RGS22: variants seen among roughly 807,000 people sequenced by gnomAD.
The protein encoded by RGS22 is regulator of G protein signaling 22, also known as regulator of G-protein signaling 22.
Under a neutral mutation model 172.9 loss-of-function variants are expected in RGS22, and 148 were observed. The observed-to-expected ratio is 0.86, with a 90% CI of 0.75 to 0.98. The LOEUF is 0.98. Ranked by LOEUF, RGS22 falls within the 50% of genes least tolerant of loss-of-function variation. The pLI is 0.00. For synonymous variants in RGS22, 458 were observed against 480.2 expected, an observed-to-expected ratio of 0.95 and a Z score of 0.60; for missense variants, 1,347 against 1,440.8, an observed-to-expected ratio of 0.93 and a Z score of 1.05.
At position 99,996,470 on chromosome 8, in the gene RGS22, C is replaced by T; in HGVS notation, c.3010G>A (p.Val1004Ile). ...LLQKAEKKIGVWKPVESKWIS... is the reference protein window; with the variant it reads ...LLQKAEKKIGIWKPVESKWIS... The stretch of plus-strand genomic sequence containing the variant: ...TAACAAACATTACTTGCCTTCCAGA[C>T]CCCGATTTTCTTTTCAGCCTTCTGT... Residue 1004 changes from valine (V) to isoleucine (I), a missense_variant, in exon 20 of 28, where the codon GTC becomes ATC. Transcript: ENST00000360863. The T allele has an allele frequency of 6.2e-7, 1 of 1,613,126 alleles. No individual in the cohort carries two copies. Among genetic ancestry groups the T allele is most frequent in the Non-Finnish European group, 8.5e-7 (1 of 1,179,328 alleles).
intron 3 of RGS22, among the ~76,000 whole-genome samples, chr8:100,082,913 G>A (rs2514701): frequency 0.56 from 85,785 of 151,976 alleles, 24,346 homozygotes; most frequent in Admixed American, 0.63. Context: ...GTAACTCTAC[G>A]CAGCTGGATT....
chr8:99,986,943 C>T (rs373067407), intron 21 of RGS22, among the ~76,000 whole-genome samples: 3 of 152,164 alleles, frequency 2.0e-5, no homozygotes, highest in African/African-American at 7.2e-5. Context: ...TTAAAACTCT[C>T]TGCAGGAAGG....
intron 18 of RGS22, among the ~76,000 whole-genome samples, chr8:100,001,705 TATA>T (rs969898310): frequency 3.9e-5 from 6 of 152,242 alleles, no homozygotes; most frequent in African/African-American, 1.4e-4. Flanking sequence ...TTCTTTCTTT[TATA>T]ATATTTGCTC....
intron 11 of RGS22, chr8:100,046,285 C>T (rs1820706197): frequency 6.6e-6 from 1 of 151,894 alleles, no homozygotes; most frequent in Admixed American, 6.6e-5. Flanking sequence ...TAAGAAATAG[C>T]ATTCTGAACC....
chr8:100,072,395 T>G (rs1811052550), intron 4 of RGS22, among the ~76,000 whole-genome samples, 165 bp from the exon 5 acceptor site: 2 of 149,260 alleles, frequency 1.3e-5, no homozygotes, highest in South Asian at 4.3e-4. Context: ...GCCACAAATG[T>G]GAGGCACTTC....
At chr8:100,064,296 C>A (rs1161758197) in intron 7 of RGS22, among the ~76,000 whole-genome samples, 1 of 151,896 alleles carries the variant, frequency 6.6e-6, no homozygotes, top group Admixed American at 6.6e-5. Context: ...GGTGAAACCC[C>A]TTCTCTACTA....
chr8:100,013,164 T>G (rs1816593014), intron 14 of RGS22, among the ~76,000 whole-genome samples: 1 of 152,034 alleles, frequency 6.6e-6, no homozygotes, highest in African/African-American at 2.4e-5. Context: ...TAATTTTTTG[T>G]ATTTTTAGTA....
intron 10 of RGS22, among the ~76,000 whole-genome samples, chr8:100,049,018 A>G (rs1441976337): frequency 3.3e-5 from 5 of 152,088 alleles, no homozygotes; most frequent in Admixed American, 1.3e-4. Context: ...TTCTTAAAAT[A>G]AAAAAAATTA....
chr8:100,094,110 C>T (rs888942213), intron 2 of RGS22, among the ~76,000 whole-genome samples: 2 of 152,112 alleles, frequency 1.3e-5, no homozygotes, highest in African/African-American at 2.4e-5. Flanking sequence ...GCATTTTTTC[C>T]ATAACTATCT....
At chr8:100,099,275 C>T (rs1813278715) in intron 2 of RGS22, among the ~76,000 whole-genome samples, 1 of 152,168 alleles carries the variant, frequency 6.6e-6, no homozygotes, top group African/African-American at 2.4e-5. Flanking sequence ...ACCTACTAGG[C>T]TTAAGACAAT....
At chr8:100,028,624 C>A (rs986250089) in intron 14 of RGS22, among the ~76,000 whole-genome samples, 1 of 152,088 alleles carries the variant, frequency 6.6e-6, no homozygotes, top group Non-Finnish European at 1.5e-5. Context: ...GAAATGATTA[C>A]AAAATGTGCC....
At chr8:100,100,539 G>A (rs779298019) in intron 2 of RGS22, among the ~76,000 whole-genome samples, 18 of 152,144 alleles carry the variant, frequency 1.2e-4, no homozygotes, top group East Asian at 1.9e-4. Flanking sequence ...ATCTGCCTGC[G>A]ACGGCCTCCC....
At chr8:100,076,686 A>C (rs1402247774) in intron 4 of RGS22, among the ~76,000 whole-genome samples, 1 of 152,146 alleles carries the variant, frequency 6.6e-6, no homozygotes, top group Non-Finnish European at 1.5e-5. Context: ...ACCATTGATA[A>C]TTTGTGCCTT....
chr8:100,080,781 T>C (rs1488772184), intron 3 of RGS22: 2 of 159,330 alleles, frequency 1.3e-5, no homozygotes, highest in African/African-American at 4.8e-5. Flanking sequence ...CAATCTCCCT[T>C]GTCCAAAAGG....
chr8:100,029,564 G>A (rs962565451), intron 14 of RGS22, among the ~76,000 whole-genome samples: 3 of 151,828 alleles, frequency 2.0e-5, no homozygotes, highest in Admixed American at 1.3e-4. Flanking sequence ...TTAGCCAGGC[G>A]TGGTGGTGCA....
intron 14 of RGS22, among the ~76,000 whole-genome samples, chr8:100,035,988 A>G (rs1316500943): frequency 3.9e-5 from 6 of 152,198 alleles, no homozygotes; most frequent in African/African-American, 1.4e-4. Flanking sequence ...GGATAGCATT[A>G]GGAGAAATAC....
chr8:100,051,450 AT>A (rs1178796053), intron 10 of RGS22, among the ~76,000 whole-genome samples: 3 of 70,484 alleles, frequency 4.3e-5, no homozygotes, highest in African/African-American at 2.2e-4. Flanking sequence ...ATTTATTTAT[AT>A]TATATTATAT....
chr8:100,066,184 G>A lies in RGS22; in HGVS notation c.707C>T (p.Ala236Val). The part of the protein sequence containing the change: ...CVPYNKLKSP[A>V]ISSVSENFIF... The stretch of plus-strand genomic sequence containing the variant: ...CTGCTTACCAGAAACAGATGAAATA[G>A]CTGGTGATTTAAGTTTGTTGTAGGG... Residue 236 changes from alanine (A) to valine (V), a missense_variant, in exon 7 of 28, where the codon GCT (alanine) becomes GTT (valine). Physicochemically the swap from Ala to Val is moderately conservative, Grantham distance 64 (BLOSUM62 0). Transcript: ENST00000360863. 6.2e-7 allele frequency: 1 copy of A among 1,612,560 alleles called. No individual in the cohort carries two copies. Among genetic ancestry groups the A allele is most frequent in the Non-Finnish European group, 8.5e-7 (1 of 1,179,160 alleles).
At position 100,093,456 on chromosome 8, in the gene RGS22, T is replaced by C; in HGVS notation, c.108A>G (p.Leu36=). 6.3e-7 allele frequency: 1 copy of C among 1,580,996 alleles called. No homozygotes were observed. ...DFLVDYFNEF[L]SLPTFSEAIR... The stretch of plus-strand genomic sequence containing the variant: ...ATAATAATAAACTCACTGGAAGGCT[T>C]AGGAATTCATTAAAGTAGTCTACAA... The change falls in exon 3 of 28, where the codon CTA becomes CTG. Residue 36 remains leucine (L), a synonymous_variant. Transcript: ENST00000360863.
Sources: gnomAD v4.1 joint callset for allele counts (sites outside exome capture counted in the v4.1 genomes callset) on GRCh38, gnomAD v4.1.1 for gene constraint, MANE v1.5 for transcripts, NCBI Gene and HGNC (gene_info 2026-07-23, HGNC 2026-07-21) for gene names.